SCUBE3: variants seen among roughly 807,000 people sequenced by gnomAD.
SCUBE3 encodes signal peptide, CUB domain and EGF like domain containing 3, also known as signal peptide, CUB and EGF-like domain-containing protein 3.
A neutral mutation model predicts 116.8 loss-of-function variants in SCUBE3; 33 were observed. The ratio of observed to expected loss-of-function variants is 0.28; its 90% CI spans 0.21 to 0.38. SCUBE3 has a LOEUF of 0.38. Among genes scored for constraint, SCUBE3 ranks in the 10% least tolerant of loss-of-function variants. The pLI, the probability that SCUBE3 is intolerant of heterozygous loss-of-function variation, is 1.00. For synonymous variants in SCUBE3, 418 were observed against 496.9 expected, an observed-to-expected ratio of 0.84 and a Z score of 2.11; for missense variants, 1,007 against 1,324.8, an observed-to-expected ratio of 0.76 and a Z score of 3.72.
chr6:35,231,498 T>C lies in SCUBE3; in HGVS notation c.335-227T>C, dbSNP rs963000710. Among the ~76,000 whole-genome samples, 2 of 152,126 alleles carry C rather than the reference T, an allele frequency of 1.3e-5. No individual in the cohort carries two copies. The highest frequency in any genetic ancestry group is 2.4e-5 in the African/African-American group (1 of 41,424). On this transcript the variant is annotated intron_variant, in intron 3 of 21. Transcript: ENST00000274938. The surrounding 1 kb of genome is among the most constrained non-coding windows in gnomAD (Gnocchi z 4.2). The stretch of plus-strand genomic sequence containing the variant: ...GGCTTCACCTAGGTGACATTTGAGG[T>C]TCAAAGGTCCCCTTTTCCCCCACTT...
In SCUBE3 at chr6:35,249,001, C is replaced by T; in HGVS notation, c.*296C>T. ...AAACAGTACAGCCCCTTCCACTGCC[C>T]ATTTTACCAGCTCACATTCCCGACC... On this transcript the variant is annotated 3_prime_UTR_variant, in exon 22 of 22. Transcript: ENST00000274938. The T allele has an allele frequency of 3.3e-6, 1 of 302,480 alleles. No homozygotes were observed. The highest frequency in any genetic ancestry group is 6.1e-6 in the Non-Finnish European group (1 of 164,036). The allele number at this position is 302,480 out of a possible 1,614,324, so 18.7% of individuals were successfully genotyped here.
chr6:35,246,858 A>G lies in SCUBE3; in HGVS notation c.2832+573A>G, dbSNP rs184515895. On this transcript the variant is annotated intron_variant, in intron 21 of 21. Coordinates refer to ENST00000274938, the MANE Select transcript of SCUBE3 (RefSeq NM_152753.4). ...TCCGGGTGCGGTGGCAGGCGCCTGTAATCCCAGCTACTCAGGAGGCTGAGG... is the reference window on the plus strand; with the variant it reads ...TCCGGGTGCGGTGGCAGGCGCCTGTGATCCCAGCTACTCAGGAGGCTGAGG... 2.3e-3 allele frequency among the ~76,000 whole-genome samples: 353 copies of G among 152,214 alleles called. 3 individuals are homozygous for G. Among genetic ancestry groups the G allele is most frequent in the African/African-American group, 8.0e-3 (332 of 41,532 alleles).
chr6:35,217,465 A>T (rs1474619709), intron 1 of SCUBE3, among the ~76,000 whole-genome samples: 1 of 149,928 alleles, frequency 6.7e-6, no homozygotes, highest in Non-Finnish European at 1.5e-5. Context: ...AGAATTTCCA[A>T]GTAACCCCAT....
At chr6:35,246,638 A>G (rs1208739855) in intron 21 of SCUBE3, among the ~76,000 whole-genome samples, 1 of 152,234 alleles carries the variant, frequency 6.6e-6, no homozygotes, top group Non-Finnish European at 1.5e-5. Context: ...ATACTTTTGC[A>G]TAAGTCCCTT....
In SCUBE3 at chr6:35,235,391, G is replaced by A. The variant is rs1783726080; in HGVS notation, c.712+2090G>A. On this transcript the variant is annotated intron_variant, in intron 6 of 21. Coordinates refer to ENST00000274938, the MANE Select transcript of SCUBE3 (RefSeq NM_152753.4). This position sits in a 1 kb window ranked among gnomAD's most constrained non-coding sequence, Gnocchi z 4.5. ...GGGTGGGGAGGGGTCCGGGGCCAGA[G>A]GGCCACAGTGGCTTCTGCCCAGCAC... is the stretch of plus-strand genomic sequence containing the variant. The A allele has an allele frequency of 1.1e-6, 1 of 939,184 alleles. No homozygotes were observed. The highest frequency in any genetic ancestry group is 1.4e-5 in the South Asian group (1 of 73,702). The allele number at this position is 939,184 out of a possible 1,614,324, so 58.2% of individuals were successfully genotyped here.
chr6:35,238,381 A>G (rs1783871176), intron 7 of SCUBE3, among the ~76,000 whole-genome samples: 1 of 152,128 alleles, frequency 6.6e-6, no homozygotes, highest in Non-Finnish European at 1.5e-5. Context: ...TGTGTTCCAT[A>G]ACCTTCTTAC....
rs1783415411 is a variant in SCUBE3, at chr6:35,228,568, G to A, written c.209-46G>A. Reference sequence around the variant, plus strand: ...AAGGCTGAGTCTGGGGGTGGACAGTGGGTTCGCAGGTGGGTTCAGCTGTCT... The same window carrying A: ...AAGGCTGAGTCTGGGGGTGGACAGTAGGTTCGCAGGTGGGTTCAGCTGTCT... On this transcript the variant is annotated intron_variant, in intron 2 of 21. Coordinates refer to ENST00000274938, the MANE Select transcript of SCUBE3 (RefSeq NM_152753.4). The surrounding 1 kb of genome is among the most constrained non-coding windows in gnomAD (Gnocchi z 4.9). 2 of 1,606,118 alleles carry A rather than the reference G, an allele frequency of 1.2e-6. No homozygotes were observed. The highest frequency in any genetic ancestry group is 1.7e-4 in the Middle Eastern group (1 of 5,876).
intron 6 of SCUBE3, among the ~76,000 whole-genome samples, chr6:35,237,152 C>T (rs1189336940): frequency 2.6e-5 from 4 of 152,188 alleles, no homozygotes; most frequent in Non-Finnish European, 5.9e-5. Flanking sequence ...TCCTTCTCCT[C>T]TGGATTCTTC....
At chr6:35,230,496 C>A (rs1343206427) in intron 3 of SCUBE3, among the ~76,000 whole-genome samples, 2 of 152,158 alleles carry the variant, frequency 1.3e-5, no homozygotes, top group East Asian at 3.8e-4. Context: ...AGCTTCCCCA[C>A]TGAGAATTGG....
chr6:35,226,501 TTG>T (rs1554178886), intron 1 of SCUBE3, among the ~76,000 whole-genome samples: 1 of 146,494 alleles, frequency 6.8e-6, no homozygotes, highest in Non-Finnish European at 1.5e-5. Flanking sequence ...TTTTTTTTTT[TTG>T]AGATAGAGTC....
rs1284045148 is a variant in SCUBE3, at chr6:35,251,176, T to A, written c.*2471T>A. 2 of 134,928 alleles carry A rather than the reference T, an allele frequency of 1.5e-5. No individual in the cohort carries two copies. The highest frequency in any genetic ancestry group is 3.1e-5 in the Non-Finnish European group (2 of 63,778). 8.4% of individuals were successfully genotyped at this position (134,928 alleles called of 1,614,324 possible). A position where few individuals can be genotyped will look rare whatever the true frequency, so the allele number is the denominator to read the frequency against. On this transcript the variant is annotated 3_prime_UTR_variant, in exon 22 of 22. Transcript: ENST00000274938. Reference sequence around the variant, plus strand: ...TTTTTTTTTTTTTTTTTTTTTGAGATGGAGTCTCGCTCTGTCACCCAGGCT... The same window carrying A: ...TTTTTTTTTTTTTTTTTTTTTGAGAAGGAGTCTCGCTCTGTCACCCAGGCT...
At position 35,245,421 on chromosome 6, in the gene SCUBE3, G is replaced by A. The variant is rs752866543; in HGVS notation, c.2595G>A (p.Lys865=). Residue 865 remains lysine, a synonymous_variant, in exon 19 of 22, where the codon AAG becomes AAA. Coordinates refer to ENST00000274938, the MANE Select transcript of SCUBE3 (RefSeq NM_152753.4). This position sits in a 1 kb window ranked among gnomAD's most constrained non-coding sequence, Gnocchi z 4.2. ...DECGDVLVMR[K]NSSPSSITTY... is the part of the protein sequence containing the mutation. ...GTGGGGACGTCCTCGTCATGAGAAA[G>A]AACTGTGGGTGGCTTGCAGAGCTGG... is the stretch of plus-strand genomic sequence containing the variant. The A allele has an allele frequency of 2.5e-6, 4 of 1,613,856 alleles. No individual in the cohort carries two copies. Among genetic ancestry groups the A allele is most frequent in the African/African-American group, 1.3e-5 (1 of 74,904 alleles).
Position 35,239,319 on chromosome 6 carries a change from A to C in SCUBE3, c.830-433A>C, listed in dbSNP as rs1322875060. ...GACCCTCCACCTCTCCTTGCCCCGC[A>C]CCCCCCCAACCCCCCGTCCTGAGGG... On this transcript the variant is annotated intron_variant, in intron 7 of 21. Coordinates refer to ENST00000274938, the MANE Select transcript of SCUBE3 (RefSeq NM_152753.4). This position sits in a 1 kb window ranked among gnomAD's most constrained non-coding sequence, Gnocchi z 4.1. 3.3e-4 allele frequency among the ~76,000 whole-genome samples: 45 copies of C among 134,440 alleles called. No homozygotes were observed. The highest frequency in any genetic ancestry group is 4.2e-4 in the African/African-American group (15 of 35,392). The allele number at this position is 134,440 out of a possible 152,430, so 88.2% of individuals were successfully genotyped here.
rs775219326 is a variant in SCUBE3 at position 35,245,379 on chromosome 6, G to A, written c.2553G>A (p.Leu851=). ...KILIVVPEIF[L]PSEDECGDVL... ...TTATCGTGGTACCAGAGATCTTCCT[G>A]CCATCTGAGGATGAGTGTGGGGACG... The change falls in exon 19 of 22, where the codon CTG becomes CTA. Residue 851 remains leucine, a synonymous_variant. Coordinates refer to ENST00000274938, the MANE Select transcript of SCUBE3 (RefSeq NM_152753.4). This position sits in a 1 kb window ranked among gnomAD's most constrained non-coding sequence, Gnocchi z 4.2. The A allele has an allele frequency of 1.2e-6, 2 of 1,614,180 alleles. No homozygotes were observed. Among genetic ancestry groups the A allele is most frequent in the Admixed American group, 1.7e-5 (1 of 60,020 alleles).
chr6:35,231,812 G>T lies in SCUBE3; in HGVS notation c.422G>T (p.Gly141Val). ...AGCTATGAGTGCCACTGCCGGGAAG[G>T]CTTCTTCCTCAGCGACAACCAGCAT... is the stretch of plus-strand genomic sequence containing the variant. ...MGSYECHCRE[G>V]FFLSDNQHTC... The change falls in exon 4 of 22, where the codon GGC becomes GTC. Residue 141 changes from glycine (G) to valine (V), a missense_variant. This residue lies in a region of SCUBE3 where 214 missense variants were observed against 316.7 expected (regional missense o/e 0.68). Coordinates refer to ENST00000274938, the MANE Select transcript of SCUBE3 (RefSeq NM_152753.4). The surrounding 1 kb of genome is among the most constrained non-coding windows in gnomAD (Gnocchi z 4.2). 1 of 1,613,688 alleles carries T rather than the reference G, an allele frequency of 6.2e-7. No homozygotes were observed. The highest frequency in any genetic ancestry group is 8.5e-7 in the Non-Finnish European group (1 of 1,179,694).
chr6:35,215,524 T>A lies in SCUBE3; in HGVS notation c.85+1021T>A, dbSNP rs1166867226. 3.9e-5 allele frequency among the ~76,000 whole-genome samples: 6 copies of A among 152,338 alleles called. No homozygotes were observed. In the East Asian group the frequency reaches 1.2e-3, roughly 29 times the overall value. On this transcript the variant is annotated intron_variant, in intron 1 of 21. Coordinates refer to ENST00000274938, the MANE Select transcript of SCUBE3 (RefSeq NM_152753.4). ...CCCAGGAGAGTATGATTCTGCCTATTGTCCCAGGGGCTCCTGAAGCCAGCT... is the reference window on the plus strand; with the variant it reads ...CCCAGGAGAGTATGATTCTGCCTATAGTCCCAGGGGCTCCTGAAGCCAGCT...
rs1784122609 is a variant in SCUBE3, at chr6:35,242,610, CCT to C, written c.1535-6_1535-5del. ...GGGGATGTCCCTGGGGTTGACAAGC[CCT>C]CTCTCCCAGGTGGTGCCCCCTGCTC... On this transcript the variant is annotated splice_polypyrimidine_tract_variant and intron_variant, in intron 13 of 21. Transcript: ENST00000274938. 1 of 1,601,474 alleles carries C rather than the reference CCT, an allele frequency of 6.2e-7. No individual in the cohort carries two copies. The highest frequency in any genetic ancestry group is 8.5e-7 in the Non-Finnish European group (1 of 1,169,850).
In SCUBE3 at chr6:35,244,843, G is replaced by A. The variant is rs1370659651; in HGVS notation, c.2401+32G>A. ...GGCAAGCCAGGCTGTGCAAAAGGGA[G>A]GAGAGAGGCCTGGGAGCAGTGGACA... On this transcript the variant is annotated intron_variant, in intron 18 of 21. Coordinates refer to ENST00000274938, the MANE Select transcript of SCUBE3 (RefSeq NM_152753.4). The surrounding 1 kb of genome is among the most constrained non-coding windows in gnomAD (Gnocchi z 4.3). 14 of 1,608,088 alleles carry A rather than the reference G, an allele frequency of 8.7e-6. No homozygotes were observed. The highest frequency in any genetic ancestry group is 2.7e-5 in the African/African-American group (2 of 74,812).
chr6:35,219,112 CTCTTCCTT>C lies in SCUBE3; in HGVS notation c.85+4616_85+4623del, dbSNP rs1562040873. Among the ~76,000 whole-genome samples the C allele has an allele frequency of 2.0e-5, 3 of 152,188 alleles. No individual in the cohort carries two copies. Among genetic ancestry groups the C allele is most frequent in the African/African-American group, 7.2e-5 (3 of 41,428 alleles). Reference sequence around the variant, plus strand: ...TGCCTGAGGCTAGGTCATCTGGATACTCTTCCTTTCTTCCCCCACCCCAGTTTCCTGGA... The same window carrying C: ...TGCCTGAGGCTAGGTCATCTGGATACTCTTCCCCCACCCCAGTTTCCTGGA... On this transcript the variant is annotated intron_variant, in intron 1 of 21. Transcript: ENST00000274938. The surrounding 1 kb of genome is among the most constrained non-coding windows in gnomAD (Gnocchi z 4.7).
Sources: gnomAD v4.1 joint callset for allele counts (sites outside exome capture counted in the v4.1 genomes callset) on GRCh38, gnomAD v4.1.1 for gene constraint, gnomAD v4.1.1 regional missense constraint, Gnocchi (gnomAD v3.1) non-coding constraint, MANE v1.5 for transcripts, NCBI Gene and HGNC (gene_info 2026-07-23, HGNC 2026-07-21) for gene names.